Variants in CCDC50 observed in about 807,000 individuals in gnomAD.
CCDC50 encodes coiled-coil domain containing 50.
In CCDC50, 54 loss-of-function variants were observed where a neutral mutation model predicts 70.2. That is an observed-to-expected ratio of 0.77 (90% CI 0.62 to 0.96). The LOEUF (loss-of-function observed/expected upper bound fraction) is 0.96, where lower values mean the gene tolerates loss of function less well. Ranked by LOEUF, CCDC50 falls within the 50% of genes least tolerant of loss-of-function variation. CCDC50 has a pLI of 0.00. For missense variants in CCDC50, 558 were observed against 578.7 expected (o/e 0.96, Z 0.37); for synonymous variants, 216 against 198.8 (o/e 1.09, Z -0.73).
intron 1 of CCDC50, among the ~76,000 whole-genome samples, chr3:191,334,032 G>GT (rs1218709871): frequency 6.6e-6 from 1 of 151,978 alleles, no homozygotes; most frequent in Non-Finnish European, 1.5e-5. Flanking sequence ...GCTATTTTGT[G>GT]TTTTTGATTT....
intron 1 of CCDC50, among the ~76,000 whole-genome samples, chr3:191,350,149 C>G (rs1712059895): frequency 7.1e-6 from 1 of 140,752 alleles, no homozygotes; most frequent in African/African-American, 2.5e-5. Flanking sequence ...CCTTTATCCT[C>G]AGATGGTTAG....
In CCDC50 at chr3:191,389,615, T is replaced by C. The variant is rs1383909921; in HGVS notation, c.1429+13T>C. The stretch of plus-strand genomic sequence containing the variant: ...TCCTCTCATAAAGGTAAGAAGAGTA[T>C]GTATGGTCAAGTTTAGGATCTTCTT... On this transcript the variant is annotated intron_variant, in intron 11 of 11. Coordinates refer to ENST00000392455, the MANE Select transcript of CCDC50 (RefSeq NM_178335.3). 1.3e-6 allele frequency: 2 copies of C among 1,581,210 alleles called. No homozygotes were observed. The highest frequency in any genetic ancestry group is 2.2e-5 in the South Asian group (2 of 90,464).
rs1713043135 is a variant in CCDC50 at position 191,374,976 on chromosome 3, C to T, written c.449-86C>T. 9 of 1,371,978 alleles carry T rather than the reference C, an allele frequency of 6.6e-6. No individual in the cohort carries two copies. The East Asian group carries it at 2.1e-4, about 32-fold the overall frequency. 85.0% of individuals were successfully genotyped at this position (1,371,978 alleles called of 1,614,324 possible). ...TTTTTAAAGTACGTTAAACTGGAGC[C>T]CAGACTCCCCCCTGTGTAGTGAGTT... On this transcript the variant is annotated intron_variant, in intron 5 of 11. Transcript: ENST00000392455.
chr3:191,365,459 T>C (rs533999960), intron 4 of CCDC50, among the ~76,000 whole-genome samples: 16 of 152,162 alleles, frequency 1.1e-4, no homozygotes, highest in Non-Finnish European at 2.2e-4. Flanking sequence ...ATTATAAATA[T>C]GACTAGAAAG....
chr3:191,390,223 T>A (rs1713642223), intron 11 of CCDC50, among the ~76,000 whole-genome samples: 1 of 152,130 alleles, frequency 6.6e-6, no homozygotes. Flanking sequence ...GTAGTGGCTC[T>A]TGTTTCCTAT....
intron 1 of CCDC50, among the ~76,000 whole-genome samples, chr3:191,334,682 C>G (rs1485844483): frequency 6.6e-6 from 1 of 152,120 alleles, no homozygotes; most frequent in African/African-American, 2.4e-5. Context: ...TACCTACCTT[C>G]TCTTTTCCTT....
chr3:191,340,464 A>G (rs1471272876), intron 1 of CCDC50, among the ~76,000 whole-genome samples: 1 of 152,246 alleles, frequency 6.6e-6, no homozygotes, highest in Non-Finnish European at 1.5e-5. Context: ...AGCTATGCCA[A>G]AAAGTTTTAA....
intron 3 of CCDC50, among the ~76,000 whole-genome samples, chr3:191,358,679 G>A (rs557588863): frequency 1.3e-4 from 20 of 152,190 alleles, no homozygotes; most frequent in Admixed American, 1.2e-3. Context: ...ACAGATAAAC[G>A]GAAATGATTA....
chr3:191,388,787 G>T (rs769051276), intron 10 of CCDC50, among the ~76,000 whole-genome samples: 2 of 152,080 alleles, frequency 1.3e-5, no homozygotes, highest in Non-Finnish European at 2.9e-5. Context: ...ATAATCTGGT[G>T]CTATCCTTTA....
chr3:191,382,012 A>T (rs1272847534), intron 9 of CCDC50, among the ~76,000 whole-genome samples: 1 of 152,098 alleles, frequency 6.6e-6, no homozygotes, highest in Admixed American at 6.6e-5. Flanking sequence ...CTCTTAACTA[A>T]CTCAGTAATT....
Position 191,367,249 on chromosome 3 carries a change from C to CT in CCDC50, c.331-2664dup, listed in dbSNP as rs568019775. On this transcript the variant is annotated intron_variant, in intron 4 of 11. Transcript: ENST00000392455. ...TGCATTACAAAGAAGGGCTGTAATT[C>CT]TTTTTTCTCTCCTGGTTCTTTACAC... Among the ~76,000 whole-genome samples, 13 of 152,042 alleles carry CT rather than the reference C, an allele frequency of 8.6e-5. No individual in the cohort carries two copies. The East Asian group carries it at 2.5e-3, about 29-fold the overall frequency.
intron 4 of CCDC50, among the ~76,000 whole-genome samples, chr3:191,369,133 T>A (rs1712807522): frequency 6.6e-6 from 1 of 150,948 alleles, no homozygotes; most frequent in South Asian, 2.1e-4. Context: ...ATGTTTTCTT[T>A]TTCAACTTTG....
chr3:191,357,217 C>T lies in CCDC50; in HGVS notation c.112+67C>T, dbSNP rs116785872. 3,006 of 1,275,878 alleles carry T rather than the reference C, an allele frequency of 2.4e-3. 48 individuals are homozygous for T. The African/African-American group carries it at 0.039, about 16-fold the overall frequency. The allele number at this position is 1,275,878 out of a possible 1,614,324, so 79.0% of individuals were successfully genotyped here. A position where few individuals can be genotyped will look rare whatever the true frequency, so the allele number is the denominator to read the frequency against. ...TTTAGTGGTAGCTTGAGGCTGGTTT[C>T]TTAGGGCTTAGGTGGGGAGAGAGCA... is the stretch of plus-strand genomic sequence containing the variant. On this transcript the variant is annotated intron_variant, in intron 2 of 11. Transcript: ENST00000392455.
chr3:191,341,797 T>C (rs1252821876), intron 1 of CCDC50, among the ~76,000 whole-genome samples: 1 of 152,256 alleles, frequency 6.6e-6, no homozygotes, highest in African/African-American at 2.4e-5. Context: ...TTAAAATCTA[T>C]GTGTAACTCC....
At chr3:191,354,442 A>C (rs571120114) in intron 1 of CCDC50, among the ~76,000 whole-genome samples, 1 of 152,330 alleles carries the variant, frequency 6.6e-6, no homozygotes, top group African/African-American at 2.4e-5. Context: ...AATATTTTTA[A>C]AATTATTGTA....
chr3:191,382,298 G>A (rs403078), intron 9 of CCDC50, among the ~76,000 whole-genome samples: 87,827 of 152,010 alleles, frequency 0.58, 27,051 homozygotes, highest in African/African-American at 0.81. Context: ...TAGTTTACTG[G>A]CTGGAAATCA....
chr3:191,362,603 T>C (rs940903927), intron 4 of CCDC50, among the ~76,000 whole-genome samples: 3 of 152,216 alleles, frequency 2.0e-5, no homozygotes, highest in African/African-American at 7.2e-5. Flanking sequence ...AGAAACACTT[T>C]CGAGGGTTAT....
chr3:191,351,065 A>C (rs1712092572), intron 1 of CCDC50, among the ~76,000 whole-genome samples: 1 of 141,488 alleles, frequency 7.1e-6, no homozygotes, highest in African/African-American at 2.5e-5. Flanking sequence ...AGGGGATTCT[A>C]AAGACTCTTA....
At position 191,397,304 on chromosome 3, in the gene CCDC50, C is replaced by G. The variant is rs1458155493; in HGVS notation, c.*5544C>G. On this transcript the variant is annotated 3_prime_UTR_variant, in exon 12 of 12. Coordinates refer to ENST00000392455, the MANE Select transcript of CCDC50 (RefSeq NM_178335.3). The stretch of plus-strand genomic sequence containing the variant: ...AATTTTGTGAGAGGGTTTTTGACAT[C>G]AGAATTTTTGTATTTCTGGTCAAAT... 1 of 152,136 alleles carries G rather than the reference C, an allele frequency of 6.6e-6. No individual in the cohort carries two copies. The highest frequency in any genetic ancestry group is 1.9e-4 in the East Asian group (1 of 5,194). The allele number at this position is 152,136 out of a possible 1,614,324, so 9.4% of individuals were successfully genotyped here. A position where few individuals can be genotyped will look rare whatever the true frequency, so the allele number is the denominator to read the frequency against.
Sources: gnomAD v4.1 joint callset for allele counts (sites outside exome capture counted in the v4.1 genomes callset) on GRCh38, gnomAD v4.1.1 for gene constraint, MANE v1.5 for transcripts, NCBI Gene and HGNC (gene_info 2026-07-23, HGNC 2026-07-21) for gene names.